Variants in ZNF133 observed in about 807,000 individuals in gnomAD.
The protein encoded by ZNF133 is zinc finger protein 133.
Under a neutral mutation model 54.9 loss-of-function variants are expected in ZNF133, and 26 were observed. The ratio of observed to expected loss-of-function variants is 0.47; its 90% CI spans 0.35 to 0.66. ZNF133 has a LOEUF of 0.66. Among genes scored for constraint, ZNF133 ranks in the 30% least tolerant of loss-of-function variants. ZNF133 has a pLI of 0.01. For missense variants in ZNF133, 653 were observed against 820.8 expected, an observed-to-expected ratio of 0.80 and a Z score of 2.50; for synonymous variants, 298 against 320.3, an observed-to-expected ratio of 0.93 and a Z score of 0.74.
intron 6 of ZNF133, among the ~76,000 whole-genome samples, chr20:18,309,720 C>A (rs1199673881): frequency 6.6e-6 from 1 of 152,096 alleles, no homozygotes; most frequent in Non-Finnish European, 1.5e-5. Flanking sequence ...GTGTGTGAAA[C>A]CAGGAGACCT....
At chr20:18,306,483 G>T in intron 6 of ZNF133, 90 bp downstream of exon 6, 5 of 1,326,476 alleles carry the variant, frequency 3.8e-6, no homozygotes, top group Non-Finnish European at 4.2e-6. Flanking sequence ...GCTGGGGAGG[G>T]AAGCTGTTCC....
Position 18,316,174 on chromosome 20 carries a change from G to T in ZNF133, c.1323G>T (p.Gly441=). The T allele has an allele frequency of 6.2e-7, 1 of 1,609,512 alleles. No individual in the cohort carries two copies. The part of the protein sequence containing the change: ...THTGEKPYVC[G]VCGRGFSLKS... Reference sequence around the variant, plus strand: ...CTGGGGAGAAGCCGTATGTTTGTGGGGTGTGTGGGCGAGGCTTTAGTCTCA... The same window carrying T: ...CTGGGGAGAAGCCGTATGTTTGTGGTGTGTGTGGGCGAGGCTTTAGTCTCA... The change falls in exon 7 of 7, where the codon GGG becomes GGT. Residue 441 remains glycine, a synonymous_variant. Coordinates refer to ENST00000425686, the MANE Select transcript of ZNF133 (RefSeq NM_001352452.2).
chr20:18,316,423 C>T lies in ZNF133; in HGVS notation c.1572C>T (p.Cys524=). The change falls in exon 7 of 7, where the codon TGC becomes TGT. Residue 524 remains cysteine, a synonymous_variant. Transcript: ENST00000425686. ...ACTCAGGGGAGAGGCCGTATGTGTGCCGAGAGTGCGGGCGAGGCTTTAGCC... is the reference window on the plus strand; with the variant it reads ...ACTCAGGGGAGAGGCCGTATGTGTGTCGAGAGTGCGGGCGAGGCTTTAGCC... ...RTHSGERPYV[C]RECGRGFSHQ... is the part of the protein sequence containing the mutation. 1.2e-6 allele frequency: 2 copies of T among 1,613,216 alleles called. No individual in the cohort carries two copies. Among genetic ancestry groups the T allele is most frequent in the South Asian group, 1.1e-5 (1 of 90,966 alleles).
At position 18,298,326 on chromosome 20, in the gene ZNF133, A is replaced by G; in HGVS notation, c.-316A>G. 7.6e-7 allele frequency: 1 copy of G among 1,317,164 alleles called. No individual in the cohort carries two copies. The allele number at this position is 1,317,164 out of a possible 1,614,324, so 81.6% of individuals were successfully genotyped here. ...TGCTGCCTGAGAGTAACGTCACAGT[A>G]ATGGAACGGGAAGATTCTGGAATCT... On this transcript the variant is annotated 5_prime_UTR_variant, in exon 3 of 7. An upstream open reading frame in the 5' UTR loses its in-frame stop. Transcript: ENST00000425686.
rs151186857 is a variant in ZNF133 at position 18,315,111 on chromosome 20, C to T, written c.260C>T (p.Pro87Leu). Residue 87 changes from proline to leucine, a missense_variant, in exon 7 of 7, where the codon CCG becomes CTG. Physicochemically the swap from Pro to Leu is moderately conservative, Grantham distance 98. Around this residue, in one of 4 missense-constraint regions of ZNF133, gnomAD observed 227 missense variants for 233.9 expected, o/e 0.97. Coordinates refer to ENST00000425686, the MANE Select transcript of ZNF133 (RefSeq NM_001352452.2). ...CTCTACCTCGATCCTTTCTGCCCTCCGGGTTTCTCCAGTCAGAAATTCCCC... is the reference window on the plus strand; with the variant it reads ...CTCTACCTCGATCCTTTCTGCCCTCTGGGTTTCTCCAGTCAGAAATTCCCC... ...PELYLDPFCP[P>L]GFSSQKFPMQ... 108 of 1,563,510 alleles carry T rather than the reference C, an allele frequency of 6.9e-5. No homozygotes were observed. Among genetic ancestry groups the T allele is most frequent in the African/African-American group, 5.6e-4 (41 of 73,490 alleles).
chr20:18,291,944 C>T (rs561536637), intron 1 of ZNF133, among the ~76,000 whole-genome samples: 9 of 152,252 alleles, frequency 5.9e-5, no homozygotes, highest in Admixed American at 3.3e-4. Context: ...GAACATGTTC[C>T]ACCCCAGTGG....
rs1480099772 is a variant in ZNF133, at chr20:18,316,047, A to C, written c.1196A>C (p.Asn399Thr). The C allele has an allele frequency of 6.2e-7, 1 of 1,606,868 alleles. No individual in the cohort carries two copies. The highest frequency in any genetic ancestry group is 1.4e-5 in the African/African-American group (1 of 72,206). The stretch of plus-strand genomic sequence containing the variant: ...TTCAGGCAGAGGACCACCCTTGTCA[A>C]CCACCAGAGGACACACTCAAAGGAG... ...RCFRQRTTLV[N>T]HQRTHSKEKP... Residue 399 changes from asparagine to threonine, a missense_variant, in exon 7 of 7, where the codon AAC becomes ACC. By Grantham distance (65) the Asn-to-Thr change is moderately conservative (BLOSUM62 0). Coordinates refer to ENST00000425686, the MANE Select transcript of ZNF133 (RefSeq NM_001352452.2).
chr20:18,294,792 A>G (rs1256281275), intron 1 of ZNF133, among the ~76,000 whole-genome samples: 1 of 152,192 alleles, frequency 6.6e-6, no homozygotes, highest in Admixed American at 6.5e-5. Flanking sequence ...AAATTGAACC[A>G]GTCTTGCAAT....
chr20:18,289,747 G>A (rs968918455), intron 1 of ZNF133, among the ~76,000 whole-genome samples: 3 of 152,192 alleles, frequency 2.0e-5, no homozygotes, highest in African/African-American at 7.2e-5. Context: ...AGTGTTCAGT[G>A]AATATTACCT....
intron 1 of ZNF133, among the ~76,000 whole-genome samples, chr20:18,289,458 A>C (rs1326179553): frequency 6.6e-6 from 1 of 152,172 alleles, no homozygotes; most frequent in Non-Finnish European, 1.5e-5. Flanking sequence ...CCTTATGACC[A>C]ATCTTGATTC....
Position 18,305,130 on chromosome 20 carries a change from TCA to T in ZNF133, c.-52_-51del, listed in dbSNP as rs1265427516. ...GGCCAAGAAGCTCCATGGTGAGCAC[TCA>T]CAGTCTAAGGCTGGAAGTTTAATGA... is the stretch of plus-strand genomic sequence containing the variant. On this transcript the variant is annotated 5_prime_UTR_variant, in exon 4 of 7. The change abolishes the stop of an existing upstream ORF in the 5' untranslated region. Transcript: ENST00000425686. This position sits in a 1 kb window ranked among gnomAD's most constrained non-coding sequence, Gnocchi z 4.7. 3 of 985,824 alleles carry T rather than the reference TCA, an allele frequency of 3.0e-6. No homozygotes were observed. Among genetic ancestry groups the T allele is most frequent in the South Asian group, 4.7e-5 (1 of 21,336 alleles). The allele number at this position is 985,824 out of a possible 1,614,324, so 61.1% of individuals were successfully genotyped here. A position where few individuals can be genotyped will look rare whatever the true frequency, so the allele number is the denominator to read the frequency against.
In ZNF133 at chr20:18,306,126, C is replaced by T. The variant is rs1375640946; in HGVS notation, c.122-172C>T. The T allele has an allele frequency of 4.7e-6, 3 of 641,732 alleles. No individual in the cohort carries two copies. The Admixed American group carries it at 8.8e-5, about 19-fold the overall frequency. The allele number at this position is 641,732 out of a possible 1,614,324, so 39.8% of individuals were successfully genotyped here. ...CGGCATGGAATAGAATCAGTGTACT[C>T]TCATCTGAGTTCACTGCCCACTCAT... On this transcript the variant is annotated intron_variant, in intron 5 of 6. Transcript: ENST00000425686.
At chr20:18,307,670 T>C (rs2044955673) in intron 6 of ZNF133, among the ~76,000 whole-genome samples, 1 of 152,212 alleles carries the variant, frequency 6.6e-6, no homozygotes, top group South Asian at 2.1e-4. Context: ...CCACAGGTTA[T>C]AGATCCTTTC....
At chr20:18,289,216 G>A (rs1359918828) in intron 1 of ZNF133, among the ~76,000 whole-genome samples, 1 of 152,140 alleles carries the variant, frequency 6.6e-6, no homozygotes, top group Non-Finnish European at 1.5e-5. Flanking sequence ...GTCACCCCCG[G>A]GTTCGGGCGT....
rs971212321 is a variant in ZNF133, at chr20:18,305,526, A to C, written c.-6-155A>C. On this transcript the variant is annotated intron_variant, in intron 4 of 6. Coordinates refer to ENST00000425686, the MANE Select transcript of ZNF133 (RefSeq NM_001352452.2). This position sits in a 1 kb window ranked among gnomAD's most constrained non-coding sequence, Gnocchi z 4.7. ...TTCACAAATGCCACTGGCTGGATTG[A>C]GACAGGGATTTAAAAGTCTTGGAAC... The C allele has an allele frequency of 3.1e-5, 34 of 1,089,020 alleles. No individual in the cohort carries two copies. Among genetic ancestry groups the C allele is most frequent in the Non-Finnish European group, 4.3e-5 (33 of 766,580 alleles). The allele number at this position is 1,089,020 out of a possible 1,614,324, so 67.5% of individuals were successfully genotyped here.
intron 1 of ZNF133, among the ~76,000 whole-genome samples, chr20:18,291,709 ATT>A (rs35116436): frequency 1.7e-4 from 23 of 138,858 alleles, no homozygotes; most frequent in Non-Finnish European, 1.6e-4. Context: ...TTCCAGTTGG[ATT>A]TTTTTTTTTT....
intron 1 of ZNF133, among the ~76,000 whole-genome samples, chr20:18,293,627 T>C (rs2041572161): frequency 6.6e-6 from 1 of 152,226 alleles, no homozygotes; most frequent in East Asian, 1.9e-4. Context: ...GATACTATTG[T>C]GTTATAACCC....
intron 6 of ZNF133, 141 bp from the exon 7 acceptor site, chr20:18,314,928 G>T: frequency 1.4e-6 from 1 of 735,430 alleles, no homozygotes; most frequent in South Asian, 2.4e-5. Context: ...GCAGTAGGCT[G>T]GAGAGTAGGC....
At chr20:18,293,420 T>C (rs2041524873) in intron 1 of ZNF133, among the ~76,000 whole-genome samples, 1 of 152,234 alleles carries the variant, frequency 6.6e-6, no homozygotes. Context: ...GTGTAAGGGC[T>C]TCCAGCAGGA....
Sources: gnomAD v4.1 joint callset for allele counts (sites outside exome capture counted in the v4.1 genomes callset) on GRCh38, gnomAD v4.1.1 for gene constraint, gnomAD v4.1.1 regional missense constraint, Gnocchi (gnomAD v3.1) non-coding constraint, MANE v1.5 for transcripts, NCBI Gene and HGNC (gene_info 2026-07-23, HGNC 2026-07-21) for gene names.